Variants in FAM168A observed in about 807,000 individuals in gnomAD.
The protein encoded by FAM168A is protein FAM168A.
FAM168A carries 3 observed loss-of-function variants against 28.5 expected under a neutral mutation model. The observed-to-expected ratio is 0.11, with a 90% confidence interval of 0.05 to 0.27. FAM168A has a LOEUF of 0.27. Ranked by LOEUF, FAM168A falls within the 10% of genes least tolerant of loss-of-function variation. FAM168A has a pLI of 1.00. For missense variants in FAM168A, 222 were observed against 311.5 expected, an observed-to-expected ratio of 0.71 and a Z score of 2.16; for synonymous variants, 122 against 124.2, an observed-to-expected ratio of 0.98 and a Z score of 0.12.
intron 1 of FAM168A, among the ~76,000 whole-genome samples, chr11:73,524,605 T>C (rs186429919): frequency 3.1e-4 from 47 of 151,850 alleles, no homozygotes; most frequent in Non-Finnish European, 2.9e-5. Context: ...TGTATGTGTA[T>C]ATATATATAT....
intron 1 of FAM168A, among the ~76,000 whole-genome samples, chr11:73,539,332 C>A (rs375023957): frequency 6.6e-6 from 1 of 152,042 alleles, no homozygotes; most frequent in Non-Finnish European, 1.5e-5. Context: ...TGCAGTGGCA[C>A]GATCTTGGCT....
intron 2 of FAM168A, among the ~76,000 whole-genome samples, chr11:73,465,425 C>T (rs759782787): frequency 3.3e-5 from 5 of 152,030 alleles, no homozygotes; most frequent in Non-Finnish European, 5.9e-5. Context: ...CATGGTGAAT[C>T]TAGGTAAAGG....
chr11:73,435,899 CA>C (rs1867079233), intron 2 of FAM168A, among the ~76,000 whole-genome samples: 1 of 152,164 alleles, frequency 6.6e-6, no homozygotes, highest in East Asian at 1.9e-4. Context: ...TATAGCTAAT[CA>C]AATAGAGGTT....
At chr11:73,562,508 G>T (rs1396259718) in intron 1 of FAM168A, among the ~76,000 whole-genome samples, 1 of 152,110 alleles carries the variant, frequency 6.6e-6, no homozygotes, top group Non-Finnish European at 1.5e-5. Flanking sequence ...GCTTAATCTA[G>T]AGTCTGAGTT....
intron 1 of FAM168A, among the ~76,000 whole-genome samples, chr11:73,567,721 C>T (rs1944038257): frequency 1.3e-5 from 2 of 151,334 alleles, no homozygotes; most frequent in South Asian, 4.2e-4. Flanking sequence ...ATATAGCTCA[C>T]TTTTTTTTTA....
intron 1 of FAM168A, among the ~76,000 whole-genome samples, chr11:73,473,104 T>C (rs1021651812): frequency 9.2e-5 from 14 of 152,168 alleles, no homozygotes; most frequent in African/African-American, 3.4e-4. Context: ...ACAGGTACTG[T>C]GCTAAGGACT....
chr11:73,428,790 G>A (rs1190742463), intron 3 of FAM168A, among the ~76,000 whole-genome samples: 1 of 152,160 alleles, frequency 6.6e-6, no homozygotes, highest in Non-Finnish European at 1.5e-5. Flanking sequence ...CCAGTGCTGA[G>A]ATACCATTAT....
chr11:73,492,467 T>A (rs887390894), intron 1 of FAM168A, among the ~76,000 whole-genome samples: 1 of 151,814 alleles, frequency 6.6e-6, no homozygotes, highest in East Asian at 1.9e-4. Context: ...TGAAACCCCA[T>A]CTCTACAAAA....
At chr11:73,449,527 TA>T (rs1867388372) in intron 2 of FAM168A, among the ~76,000 whole-genome samples, 1 of 152,238 alleles carries the variant, frequency 6.6e-6, no homozygotes. Context: ...GTTAGTAACC[TA>T]AATTACAACA....
intron 3 of FAM168A, among the ~76,000 whole-genome samples, chr11:73,420,624 A>G (rs1315642723): frequency 6.6e-6 from 1 of 152,266 alleles, no homozygotes; most frequent in African/African-American, 2.4e-5. Flanking sequence ...AGCTGAGGCC[A>G]GACAGACATA....
At chr11:73,588,348 G>A (rs945160833) in intron 1 of FAM168A, among the ~76,000 whole-genome samples, 5 of 152,162 alleles carry the variant, frequency 3.3e-5, no homozygotes, top group African/African-American at 7.2e-5. Context: ...CTGATGAGAT[G>A]AGTGGTGATA....
At chr11:73,571,014 CT>C (rs1434223227) in intron 1 of FAM168A, among the ~76,000 whole-genome samples, 2 of 152,092 alleles carry the variant, frequency 1.3e-5, no homozygotes, top group East Asian at 3.9e-4. Context: ...TGAACAACAA[CT>C]ATTCTACTGT....
intron 1 of FAM168A, among the ~76,000 whole-genome samples, chr11:73,536,740 T>C (rs1160508550): frequency 3.3e-5 from 5 of 152,192 alleles, no homozygotes; most frequent in Non-Finnish European, 7.3e-5. Context: ...GTTTTATTGA[T>C]GGTTATTCAC....
At chr11:73,560,137 C>T (rs1268212682) in intron 1 of FAM168A, among the ~76,000 whole-genome samples, 1 of 152,102 alleles carries the variant, frequency 6.6e-6, no homozygotes, top group African/African-American at 2.4e-5. Context: ...GAACATGGCT[C>T]ACTGCAGCCT....
intron 1 of FAM168A, among the ~76,000 whole-genome samples, chr11:73,502,101 G>GA (rs374810262): frequency 0.047 from 2,669 of 56,220 alleles, 63 homozygotes; most frequent in Middle Eastern, 0.074. Flanking sequence ...GCTTTGTCTC[G>GA]AAAAAAAAAA....
chr11:73,497,573 T>C (rs1389978637), intron 1 of FAM168A, among the ~76,000 whole-genome samples: 1 of 152,238 alleles, frequency 6.6e-6, no homozygotes, highest in Non-Finnish European at 1.5e-5. Flanking sequence ...GTACTTGATA[T>C]GTGGCTATTG....
In FAM168A at chr11:73,545,683, C is replaced by CTTTT. The variant is rs966309670; in HGVS notation, c.-19+52236_-19+52239dup. Among the ~76,000 whole-genome samples, 220 of 105,160 alleles carry CTTTT rather than the reference C, an allele frequency of 2.1e-3. 5 individuals are homozygous for CTTTT. Among genetic ancestry groups the CTTTT allele is most frequent in the African/African-American group, 5.1e-3 (129 of 25,522 alleles). 69.0% of individuals were successfully genotyped at this position (105,160 alleles called of 152,430 possible). ...CTTAACATTTATTGAATACTATATA[C>CTTTT]TTTTTTTTTTTTTTTTTTTTTTTGG... On this transcript the variant is annotated intron_variant, in intron 1 of 7. Coordinates refer to ENST00000356467, the MANE Select transcript of FAM168A (RefSeq NM_015159.3).
intron 2 of FAM168A, among the ~76,000 whole-genome samples, chr11:73,431,601 A>G (rs1406556201): frequency 6.6e-6 from 1 of 152,212 alleles, no homozygotes; most frequent in Non-Finnish European, 1.5e-5. Flanking sequence ...GCCAACTGCC[A>G]TGGCATAAAT....
chr11:73,522,192 C>T (rs1229533668), intron 1 of FAM168A, among the ~76,000 whole-genome samples: 1 of 72,246 alleles, frequency 1.4e-5, no homozygotes, highest in Non-Finnish European at 2.7e-5. Context: ...AAAGGGGTAT[C>T]TCTAGTCCAC....
Sources: allele counts gnomAD v4.1 joint callset (sites outside exome capture counted in the v4.1 genomes callset), GRCh38; gene constraint gnomAD v4.1.1; transcripts MANE v1.5; gene names NCBI Gene and HGNC (gene_info 2026-07-23, HGNC 2026-07-21).